Variants in CIROZ observed in about 807,000 individuals in gnomAD.
The protein encoded by CIROZ is ciliated left-right organizer ZP-N domains-containing protein.
At chr1:10,981,245 TTAAGACCA>T in the CIROZ span, among the ~76,000 whole-genome samples, 1 of 152,088 alleles carries the variant, frequency 6.6e-6, no homozygotes, top group Non-Finnish European at 1.5e-5. Context: ...ACCCAGGAGT[TTAAGACCA>T]GCCTGGGCAA....
chr1:10,966,221 A>G, the CIROZ span: 2 of 1,175,432 alleles, frequency 1.7e-6, no homozygotes, highest in Non-Finnish European at 2.3e-6. Context: ...CCATGAGGGC[A>G]GAGACTTCTG....
chr1:10,955,730 G>A, the CIROZ span, among the ~76,000 whole-genome samples: 1 of 151,628 alleles, frequency 6.6e-6, no homozygotes, highest in Non-Finnish European at 1.5e-5. Context: ...TGTAATCCCA[G>A]CTACTTGGGA....
the CIROZ span, chr1:10,954,208 C>G: frequency 6.6e-7 from 1 of 1,524,312 alleles, no homozygotes; most frequent in South Asian, 1.2e-5. Context: ...GTAATCCCAG[C>G]ACTTTGGGAG....
chr1:10,958,908 C>A, the CIROZ span, among the ~76,000 whole-genome samples: 1 of 152,162 alleles, frequency 6.6e-6, no homozygotes, highest in African/African-American at 2.4e-5. Context: ...ACAAGAAAAT[C>A]ATTTATGTTC....
At chr1:10,964,251 T>G in the CIROZ span, 3 of 1,613,212 alleles carry the variant, frequency 1.9e-6, no homozygotes, top group Middle Eastern at 1.6e-4. Context: ...ATATTCTGAT[T>G]TCCAGCCTGT....
the CIROZ span, chr1:10,969,978 T>C: frequency 6.5e-7 from 1 of 1,535,216 alleles, no homozygotes; most frequent in Non-Finnish European, 8.7e-7. Context: ...ACCTGGCAAG[T>C]GCAAGGTCCT....
At chr1:10,955,971 C>G in the CIROZ span, among the ~76,000 whole-genome samples, 2 of 152,054 alleles carry the variant, frequency 1.3e-5, no homozygotes, top group Non-Finnish European at 2.9e-5. Context: ...ATGGAAGCAT[C>G]TGCCTTTATA....
chr1:10,949,897 C>A, the CIROZ span: 4 of 1,274,056 alleles, frequency 3.1e-6, no homozygotes, highest in Non-Finnish European at 4.3e-6. Context: ...CCATGAGTGA[C>A]CCCTTTTCCA....
chr1:10,975,136 G>A, the CIROZ span, among the ~76,000 whole-genome samples: 3 of 152,120 alleles, frequency 2.0e-5, no homozygotes, highest in Non-Finnish European at 4.4e-5. Flanking sequence ...GGCCGGGCGC[G>A]GTGGCTCATG....
the CIROZ span, chr1:10,964,063 C>T: frequency 6.3e-7 from 1 of 1,587,988 alleles, no homozygotes; most frequent in Non-Finnish European, 8.6e-7. Context: ...CCTGCCTTGG[C>T]CTTTAGAGAG....
chr1:10,970,188 G>C, the CIROZ span: 102 of 1,089,420 alleles, frequency 9.4e-5, no homozygotes, highest in Non-Finnish European at 1.3e-4. Flanking sequence ...AAAAGAAGGA[G>C]CTCCTCTCAG....
the CIROZ span, among the ~76,000 whole-genome samples, chr1:10,955,862 A>G: frequency 2.0e-5 from 3 of 147,712 alleles, no homozygotes; most frequent in South Asian, 6.3e-4. Context: ...AAAAAAAAAA[A>G]GAAAGAAATA....
At chr1:10,947,011 G>C in the CIROZ span, among the ~76,000 whole-genome samples, 1 of 152,202 alleles carries the variant, frequency 6.6e-6, no homozygotes, top group Non-Finnish European at 1.5e-5. Flanking sequence ...CGTAAGAATG[G>C]CTCTCGAGTT....
chr1:10,959,864 G>C, the CIROZ span, among the ~76,000 whole-genome samples: 2 of 152,220 alleles, frequency 1.3e-5, no homozygotes, highest in Admixed American at 6.5e-5. This position sits in a 1 kb window ranked among gnomAD's most constrained non-coding sequence, Gnocchi z 4.3. Flanking sequence ...GGTCAGCCCT[G>C]TGATGGCCTT....
At chr1:10,977,631 A>C in the CIROZ span, among the ~76,000 whole-genome samples, 66 of 152,328 alleles carry the variant, frequency 4.3e-4, no homozygotes, top group African/African-American at 1.4e-3. Context: ...AATAGACACC[A>C]AACTGGCTTC....
the CIROZ span, among the ~76,000 whole-genome samples, chr1:10,971,683 T>C: frequency 6.6e-6 from 1 of 152,052 alleles, no homozygotes; most frequent in South Asian, 2.1e-4. Context: ...TGTTACCTAG[T>C]TGTTTGTGAG....
the CIROZ span, among the ~76,000 whole-genome samples, chr1:10,955,646 C>T: frequency 1.3e-5 from 2 of 151,984 alleles, no homozygotes; most frequent in African/African-American, 4.8e-5. Flanking sequence ...ATTTCAAGAC[C>T]AGCCTGGCCT....
chr1:10,954,978 C>G, the CIROZ span: 1 of 1,592,402 alleles, frequency 6.3e-7, no homozygotes, highest in Non-Finnish European at 8.6e-7. Flanking sequence ...AGAGATGCCA[C>G]CGGATACTCA....
At chr1:10,954,468 G>A in the CIROZ span, among the ~76,000 whole-genome samples, 4,005 of 114,796 alleles carry the variant, frequency 0.035, 216 homozygotes, top group African/African-American at 0.098. Context: ...AAAAAAAAAA[G>A]AAAAGAAAAG....
Sources: gnomAD v4.1 joint callset for allele counts (sites outside exome capture counted in the v4.1 genomes callset) on GRCh38, gnomAD v4.1.1 for gene constraint, Gnocchi (gnomAD v3.1) non-coding constraint, MANE v1.5 for transcripts, NCBI Gene and HGNC (gene_info 2026-07-23, HGNC 2026-07-21) for gene names.